Variants in DRD3 observed in about 807,000 individuals in gnomAD.
The protein encoded by DRD3 is D(3) dopamine receptor.
In DRD3, 19 loss-of-function variants were observed where a neutral mutation model predicts 36.3. The ratio of observed to expected loss-of-function variants is 0.52; its 90% CI spans 0.36 to 0.77. The LOEUF (loss-of-function observed/expected upper bound fraction) is 0.77. DRD3 is among the 30% of genes least tolerant of loss of function. DRD3 has a pLI of 0.00. For missense variants in DRD3, 465 were observed against 505.3 expected (o/e 0.92, Z 0.77); for synonymous variants, 195 against 203.7 (o/e 0.96, Z 0.36).
intron 1 of DRD3, among the ~76,000 whole-genome samples, chr3:114,190,206 C>G (rs545238270): frequency 2.0e-5 from 3 of 151,332 alleles, no homozygotes; most frequent in African/African-American, 7.3e-5. Context: ...TAGCAAGAAG[C>G]CTTCACCAAC....
intron 3 of DRD3, among the ~76,000 whole-genome samples, chr3:114,149,015 G>T (rs324036): frequency 1.3e-5 from 2 of 152,074 alleles, no homozygotes; most frequent in Admixed American, 6.5e-5. Flanking sequence ...GCTCAGCCTT[G>T]GTCATTTATT....
chr3:114,183,925 T>G (rs553070787), upstream of DRD3, among the ~76,000 whole-genome samples: 1 of 152,276 alleles, frequency 6.6e-6, no homozygotes, highest in Admixed American at 6.5e-5. Context: ...TGCTGATCTC[T>G]GTTTTTTGAT....
intron 1 of DRD3, among the ~76,000 whole-genome samples, chr3:114,189,117 C>A (rs537178228): frequency 1.8e-3 from 276 of 152,176 alleles, no homozygotes; most frequent in African/African-American, 5.8e-3. Context: ...AATATTTGTA[C>A]ACATTTTATA....
intron 5 of DRD3, among the ~76,000 whole-genome samples, chr3:114,131,999 G>A (rs910392613): frequency 3.3e-5 from 5 of 152,162 alleles, no homozygotes; most frequent in African/African-American, 7.2e-5. Context: ...AGACTGTGGC[G>A]ATTCCTCATG....
At chr3:114,159,933 A>C in intron 2 of DRD3, 66 bp from the exon 3 acceptor site, 1 of 1,452,390 alleles carries the variant, frequency 6.9e-7, no homozygotes, top group Non-Finnish European at 9.6e-7. Flanking sequence ...AGTTGGCCCT[A>C]TTTTCTTTGC....
upstream of DRD3, among the ~76,000 whole-genome samples, chr3:114,182,890 A>G (rs1314427571): frequency 6.6e-6 from 1 of 152,190 alleles, no homozygotes; most frequent in Non-Finnish European, 1.5e-5. Flanking sequence ...TTTTCTGTTC[A>G]TCTATGGATG....
chr3:114,141,262 C>T (rs2077521222), intron 4 of DRD3, among the ~76,000 whole-genome samples: 1 of 152,074 alleles, frequency 6.6e-6, no homozygotes, highest in Non-Finnish European at 1.5e-5. Flanking sequence ...TCAAACTCCC[C>T]ACCTCAGGTG....
At chr3:114,195,792 C>A (rs866581568) in intron 1 of DRD3, among the ~76,000 whole-genome samples, 7 of 152,080 alleles carry the variant, frequency 4.6e-5, no homozygotes, top group African/African-American at 1.7e-4. Flanking sequence ...ATCTTACTTA[C>A]ATATAAAACA....
chr3:114,168,897 G>T (rs142057120), intron 2 of DRD3, among the ~76,000 whole-genome samples: 1 of 152,206 alleles, frequency 6.6e-6, no homozygotes, highest in Non-Finnish European at 1.5e-5. Flanking sequence ...AGGTGGATGT[G>T]TTCAAATCAA....
At chr3:114,130,904 G>T (rs75982648) in intron 6 of DRD3, among the ~76,000 whole-genome samples, 1 of 152,088 alleles carries the variant, frequency 6.6e-6, no homozygotes, top group African/African-American at 2.4e-5. Context: ...AATGGACAGC[G>T]CAGTTAAGTG....
At chr3:114,144,588 T>C (rs768202541) in intron 4 of DRD3, among the ~76,000 whole-genome samples, 5 of 152,196 alleles carry the variant, frequency 3.3e-5, no homozygotes, top group Non-Finnish European at 7.4e-5. Flanking sequence ...AACTGTGTTC[T>C]AGGAAGGGGC....
chr3:114,139,203 G>A (rs996285721), intron 5 of DRD3, among the ~76,000 whole-genome samples: 1 of 152,208 alleles, frequency 6.6e-6, no homozygotes, highest in Non-Finnish European at 1.5e-5. Context: ...AAACCTGTGG[G>A]ACATCTGAGC....
rs1446688028 is a variant in DRD3, at chr3:114,195,055, G to C, written c.-156+4218C>G. 3.3e-5 allele frequency among the ~76,000 whole-genome samples: 5 copies of C among 152,158 alleles called. No homozygotes were observed. The South Asian group carries it at 1.0e-3, about 31-fold the overall frequency. On this transcript the variant is annotated intron_variant, in intron 1 of 7. Transcript: ENST00000460779. ...ACTCATCAGTGATTTTCTTTCAAAA[G>C]GAACCACTTGAGGCTGAGCCAGAGG...
At chr3:114,137,758 G>A (rs1025254601) in intron 5 of DRD3, among the ~76,000 whole-genome samples, 7 of 151,842 alleles carry the variant, frequency 4.6e-5, no homozygotes, top group East Asian at 1.9e-4. Context: ...TTGGGAGGCC[G>A]AAGCGTGCGG....
intron 2 of DRD3, 55 bp from the exon 3 acceptor site, chr3:114,159,922 C>A: frequency 6.6e-7 from 1 of 1,517,864 alleles, no homozygotes; most frequent in South Asian, 1.1e-5. Flanking sequence ...AACGACAACC[C>A]AGTTGGCCCT....
intron 2 of DRD3, among the ~76,000 whole-genome samples, chr3:114,168,248 C>T (rs2077804876): frequency 6.6e-6 from 1 of 152,180 alleles, no homozygotes; most frequent in Non-Finnish European, 1.5e-5. Flanking sequence ...ATGTTGTTGT[C>T]ACCTCCATTT....
At chr3:114,194,970 T>A (rs950473084) in intron 1 of DRD3, among the ~76,000 whole-genome samples, 2 of 152,188 alleles carry the variant, frequency 1.3e-5, no homozygotes, top group Non-Finnish European at 2.9e-5. Context: ...ACGGGAAGCT[T>A]GTCTGCTCTC....
chr3:114,175,541 A>C, intron 1 of DRD3, among the ~76,000 whole-genome samples: 1 of 152,200 alleles, frequency 6.6e-6, no homozygotes. Flanking sequence ...CTAGCATCTC[A>C]CTCATTTTTG....
upstream of DRD3, among the ~76,000 whole-genome samples, chr3:114,180,455 A>G (rs2077940761): frequency 6.6e-6 from 1 of 152,134 alleles, no homozygotes; most frequent in African/African-American, 2.4e-5. Context: ...TAAGAAAAAG[A>G]AGAGGCACCA....
Sources: allele counts gnomAD v4.1 joint callset (sites outside exome capture counted in the v4.1 genomes callset), GRCh38; gene constraint gnomAD v4.1.1; transcripts MANE v1.5; gene names NCBI Gene and HGNC (gene_info 2026-07-23, HGNC 2026-07-21).